RPGR: variants seen among roughly 807,000 people sequenced by gnomAD.
RPGR encodes the protein retinitis pigmentosa GTPase regulator, also known as X-linked retinitis pigmentosa GTPase regulator.
In RPGR, 10 loss-of-function variants were observed where a neutral mutation model predicts 56.3. The observed-to-expected ratio is 0.18, with a 90% confidence interval of 0.11 to 0.30. The LOEUF (loss-of-function observed/expected upper bound fraction) is 0.30. Ranked by LOEUF, RPGR falls within the 10% of genes least tolerant of loss-of-function variation. The pLI, the probability that RPGR is intolerant of heterozygous loss-of-function variation, is 1.00. For synonymous variants in RPGR, 197 were observed against 212.9 expected, an observed-to-expected ratio of 0.93 and a Z score of 0.65; for missense variants, 538 against 590.9, an observed-to-expected ratio of 0.91 and a Z score of 0.93.
intron 15 of RPGR, among the ~76,000 whole-genome samples, chrX:38,281,962 G>T (rs1191293499): frequency 1.8e-5 from 2 of 110,321 alleles, no homozygotes; most frequent in African/African-American, 6.6e-5. Flanking sequence ...TTTTCTTTTG[G>T]TTCATAAGCT....
chrX:38,312,532 C>T (rs150202906), intron 6 of RPGR, among the ~76,000 whole-genome samples: 2,201 of 111,554 alleles, frequency 0.02, 47 homozygotes, highest in African/African-American at 0.068. Context: ...TTACAAGAGA[C>T]CTTCCATATT....
At chrX:38,312,551 G>A (rs2067740682) in intron 6 of RPGR, among the ~76,000 whole-genome samples, 1 of 111,296 alleles carries the variant, frequency 9.0e-6, no homozygotes, top group East Asian at 2.8e-4. Flanking sequence ...TTAGGTTCCC[G>A]GACTACTAAC....
At position 38,276,771 on chromosome X, in the gene RPGR, T is replaced by A; in HGVS notation, c.1907A>T (p.Asp636Val). ...TTCCTCAGTTTTAGAAAATTCATGA[T>A]CCTGTGACAAAATTGACCATCAGAG... The change falls in exon 16 of 19, where the codon GAT becomes GTT. Residue 636 changes from aspartate (D) to valine (V), a missense_variant and splice_region_variant. Asp to Val is a radical substitution (Grantham distance 152, BLOSUM62 -3). Transcript: ENST00000642395. 4 of 1,202,504 alleles carry A rather than the reference T, an allele frequency of 3.3e-6. No individual in the cohort carries two copies. The highest frequency in any genetic ancestry group is 4.5e-6 in the Non-Finnish European group (4 of 887,758).
At chrX:38,324,396 G>A (rs958690254) in intron 1 of RPGR, among the ~76,000 whole-genome samples, 6 of 110,556 alleles carry the variant, frequency 5.4e-5, no homozygotes, top group East Asian at 5.7e-4. Flanking sequence ...CATGACACCC[G>A]GCCAAAATGG....
At chrX:38,284,143 C>T (rs2067084515) in intron 15 of RPGR, among the ~76,000 whole-genome samples, 2 of 111,483 alleles carry the variant, frequency 1.8e-5, no homozygotes, top group Non-Finnish European at 3.8e-5. Flanking sequence ...CTCAACTACA[C>T]AAAACTCACA....
chrX:38,279,141 T>G (rs1280738769), intron 15 of RPGR: 1 of 329,449 alleles, frequency 3.0e-6, no homozygotes, highest in African/African-American at 2.6e-5. Context: ...TCTGGACGAC[T>G]ACTTGAAGTC....
At chrX:38,316,254 T>C (rs2067825338) in intron 6 of RPGR, among the ~76,000 whole-genome samples, 1 of 110,261 alleles carries the variant, frequency 9.1e-6, no homozygotes, top group African/African-American at 3.3e-5. Context: ...TTGTAGGGTA[T>C]GTGAATTATA....
rs749108562 is a variant in RPGR at position 38,282,777 on chromosome X, T to TCAGCAGCAGCAGCAGCAG, written c.1905+4299_1905+4316dup. Among the ~76,000 whole-genome samples the TCAGCAGCAGCAGCAGCAG allele has an allele frequency of 1.0e-4, 11 of 105,788 alleles. No homozygotes were observed. In the Admixed American group the frequency reaches 1.1e-3, roughly 11 times the overall value. The allele number at this position is 105,788 out of a possible 115,157, so 91.9% of individuals were successfully genotyped here. ...TTGCACTCACCTTGACTGCTGCTGTTCAGCAGCAGCAGCAGCAGCAGCAGC... is the reference window on the plus strand; with the variant it reads ...TTGCACTCACCTTGACTGCTGCTGTTCAGCAGCAGCAGCAGCAGCAGCAGCAGCAGCAGCAGCAGCAGC... On this transcript the variant is annotated intron_variant, in intron 15 of 18. Transcript: ENST00000642395.
intron 7 of RPGR, among the ~76,000 whole-genome samples, chrX:38,309,211 C>G (rs950688850): frequency 9.0e-6 from 1 of 111,561 alleles, no homozygotes; most frequent in African/African-American, 3.3e-5. Context: ...CATGTCATAA[C>G]AAATATGAAA....
chrX:38,287,685 ACTGT>A (rs779514115), intron 14 of RPGR, 172 bp downstream of exon 14: 4 of 534,488 alleles, frequency 7.5e-6, no homozygotes, highest in South Asian at 2.5e-5. Context: ...TTTCCTTCTC[ACTGT>A]CTATTTCTTC....
intron 4 of RPGR, 27 bp from the exon 5 acceptor site, chrX:38,319,014 A>G (rs1404222564): frequency 3.3e-6 from 4 of 1,199,636 alleles, no homozygotes; most frequent in African/African-American, 3.5e-5. Context: ...AAACGTCAAT[A>G]GACTATAGAG....
chrX:38,271,308 A>G (rs1003526560), intron 18 of RPGR, among the ~76,000 whole-genome samples: 3 of 112,206 alleles, frequency 2.7e-5, no homozygotes, highest in African/African-American at 9.7e-5. Context: ...CACAACTTCA[A>G]AAAGACTGCC....
chrX:38,306,954 A>G (rs1412843086), intron 7 of RPGR, among the ~76,000 whole-genome samples: 1 of 113,051 alleles, frequency 8.8e-6, no homozygotes, highest in Non-Finnish European at 1.9e-5. Context: ...GTGACATTTA[A>G]CAACATAATT....
chrX:38,277,196 G>A (rs755892337), intron 15 of RPGR, among the ~76,000 whole-genome samples: 94 of 111,868 alleles, frequency 8.4e-4, no homozygotes, highest in African/African-American at 2.8e-3. Context: ...TCAGAAGTAC[G>A]ATTCACTGAC....
At chrX:38,318,755 C>T (rs1375556745) in intron 5 of RPGR, 74 bp downstream of exon 5, 11 of 1,081,882 alleles carry the variant, frequency 1.0e-5, no homozygotes, top group African/African-American at 3.7e-5. Context: ...ATGCTCCCTT[C>T]GGTTTACTGA....
intron 15 of RPGR, chrX:38,287,072 A>C (rs2067199254): frequency 8.3e-7 from 1 of 1,209,834 alleles, no homozygotes; most frequent in East Asian, 3.0e-5. Context: ...TCTCCCACTG[A>C]TTTTGCCTTG....
chrX:38,297,372 G>A lies in RPGR; in HGVS notation c.1326C>T (p.Leu442=). The A allele has an allele frequency of 8.3e-7, 1 of 1,209,141 alleles. No individual in the cohort carries two copies. Among genetic ancestry groups the A allele is most frequent in the South Asian group, 1.8e-5 (1 of 56,839 alleles). Residue 442 remains leucine (L), a synonymous_variant, in exon 11 of 19, where the codon CTC becomes CTT. Transcript: ENST00000642395. The stretch of plus-strand genomic sequence containing the variant: ...AACATCGTGGAAAGACTGAATTGGG[G>A]AGAAAACAAGCAGAAAGGCCAAGAG...
chrX:38,290,022 C>T lies in RPGR; in HGVS notation c.1572+937G>A, dbSNP rs1387647735. Among the ~76,000 whole-genome samples, 4 of 111,952 alleles carry T rather than the reference C, an allele frequency of 3.6e-5. No individual in the cohort carries two copies. The South Asian group carries it at 1.1e-3, about 31-fold the overall frequency. On this transcript the variant is annotated intron_variant, in intron 13 of 18. Coordinates refer to ENST00000642395, the MANE Select transcript of RPGR (RefSeq NM_000328.3). ...TTCATTGAGCTTCTACAACTGTGTTCGAACAGCTCTCCCATATTCAAAGGA... is the reference window on the plus strand; with the variant it reads ...TTCATTGAGCTTCTACAACTGTGTTTGAACAGCTCTCCCATATTCAAAGGA...
Position 38,291,000 on chromosome X carries a change from T to C in RPGR, c.1531A>G (p.Asn511Asp). 9.3e-7 allele frequency: 1 copy of C among 1,071,489 alleles called. No homozygotes were observed. Among genetic ancestry groups the C allele is most frequent in the East Asian group, 3.2e-5 (1 of 30,770 alleles). The allele number at this position is 1,071,489 out of a possible 1,213,427, so 88.3% of individuals were successfully genotyped here. A position where few individuals can be genotyped will look rare whatever the true frequency, so the allele number is the denominator to read the frequency against. Residue 511 changes from asparagine to aspartate, a missense_variant, in exon 13 of 19, where the codon AAT (asparagine) becomes GAT (aspartate). This residue lies in a region of RPGR where 357 missense variants were observed against 325.8 expected (regional missense o/e 1.10). Transcript: ENST00000642395. ...GGTGATAATTTTAATGACTTTTCAT[T>C]GGAATTCAGGCTCATGATGTGTGTC...
Sources: allele counts gnomAD v4.1 joint callset (sites outside exome capture counted in the v4.1 genomes callset), GRCh38; gene constraint gnomAD v4.1.1; regional missense constraint gnomAD v4.1.1; transcripts MANE v1.5; gene names NCBI Gene and HGNC (gene_info 2026-07-23, HGNC 2026-07-21).